The following SUGCT variants were observed in gnomAD, a reference collection of about 807,000 sequenced individuals.
The protein encoded by SUGCT is succinyl-CoA:glutarate-CoA transferase.
Under a neutral mutation model 55.0 loss-of-function variants are expected in SUGCT, and 41 were observed. The observed-to-expected ratio is 0.74, with a 90% CI of 0.58 to 0.97. The LOEUF is 0.97. Ranked by LOEUF, SUGCT falls within the 50% of genes least tolerant of loss-of-function variation. SUGCT has a pLI of 0.00. For missense variants in SUGCT, 568 were observed against 547.8 expected, an observed-to-expected ratio of 1.04 and a Z score of -0.37; for synonymous variants, 187 against 200.4, an observed-to-expected ratio of 0.93 and a Z score of 0.56.
chr7:40,710,369 T>C (rs1180452404), intron 12 of SUGCT, among the ~76,000 whole-genome samples: 2 of 152,190 alleles, frequency 1.3e-5, no homozygotes, highest in African/African-American at 2.4e-5. Context: ...AACAAATTAT[T>C]TGTGATCCAT....
At chr7:40,333,302 T>G (rs1189617890) in intron 9 of SUGCT, among the ~76,000 whole-genome samples, 1 of 152,062 alleles carries the variant, frequency 6.6e-6, no homozygotes, top group East Asian at 1.9e-4. Context: ...AAATATATTC[T>G]CTGTGAATGA....
chr7:41,009,559 ATCCT>A, the SUGCT span, among the ~76,000 whole-genome samples: 3 of 146,142 alleles, frequency 2.1e-5, no homozygotes, highest in African/African-American at 5.1e-5. Flanking sequence ...TCCACCATCC[ATCCT>A]TCCTTCCATC....
intron 12 of SUGCT, among the ~76,000 whole-genome samples, chr7:40,659,383 G>A (rs1448899641): frequency 6.6e-6 from 1 of 152,112 alleles, no homozygotes; most frequent in African/African-American, 2.4e-5. Context: ...TGGGCAGAAA[G>A]TCTCAGCTCC....
chr7:40,323,796 A>G (rs1423423647), intron 9 of SUGCT, among the ~76,000 whole-genome samples: 1 of 152,206 alleles, frequency 6.6e-6, no homozygotes, highest in East Asian at 1.9e-4. Flanking sequence ...CCTGCAGTCA[A>G]GTGGTGGATA....
chr7:40,652,902 T>C lies in SUGCT; in HGVS notation c.1090-96532T>C, dbSNP rs141317704. Reference sequence around the variant, plus strand: ...GGAATATTTGATCTTCAGAACCTCATGTCTGTTTTATTCTGGAGATCTGCC... The same window carrying C: ...GGAATATTTGATCTTCAGAACCTCACGTCTGTTTTATTCTGGAGATCTGCC... On this transcript the variant is annotated intron_variant, in intron 12 of 13. Coordinates refer to ENST00000335693, the MANE Select transcript of SUGCT (RefSeq NM_001193313.2). Among the ~76,000 whole-genome samples the C allele has an allele frequency of 3.2e-3, 494 of 152,312 alleles. 3 individuals are homozygous for C. Among genetic ancestry groups the C allele is most frequent in the African/African-American group, 0.011 (471 of 41,580 alleles).
chr7:40,785,226 T>G (rs1397816875), intron 13 of SUGCT: 1 of 152,250 alleles, frequency 6.6e-6, no homozygotes. Flanking sequence ...AGAAGATGGC[T>G]GTTCTCAGAT....
At chr7:40,216,055 G>T (rs1472710134) in intron 6 of SUGCT, among the ~76,000 whole-genome samples, 1 of 149,972 alleles carries the variant, frequency 6.7e-6, no homozygotes, top group Admixed American at 6.7e-5. Context: ...ATATAGAACA[G>T]AAATTATTGA....
chr7:40,976,657 C>A, the SUGCT span, among the ~76,000 whole-genome samples: 3 of 152,258 alleles, frequency 2.0e-5, no homozygotes, highest in South Asian at 2.1e-4. Flanking sequence ...ATGTTCTCTT[C>A]CAATGAGTGG....
intron 12 of SUGCT, among the ~76,000 whole-genome samples, chr7:40,588,022 C>T (rs887995735): frequency 6.6e-6 from 1 of 151,682 alleles, no homozygotes; most frequent in Non-Finnish European, 1.5e-5. Context: ...CCTGCCTCAG[C>T]CTTCTGAGTA....
At chr7:40,726,313 G>GA (rs201569813) in intron 12 of SUGCT, among the ~76,000 whole-genome samples, 3 of 151,666 alleles carry the variant, frequency 2.0e-5, no homozygotes, top group South Asian at 4.2e-4. Context: ...TAAGCTAGAG[G>GA]AAAAAAATGT....
At position 40,688,819 on chromosome 7, in the gene SUGCT, CTAAAT is replaced by C. The variant is rs201854670; in HGVS notation, c.1090-60605_1090-60601del. The stretch of plus-strand genomic sequence containing the variant: ...TTACACAAGCACATGATATAAATTA[CTAAAT>C]TAAATTAAAAGTAGCATATTTGTAG... On this transcript the variant is annotated intron_variant, in intron 12 of 13. Coordinates refer to ENST00000335693, the MANE Select transcript of SUGCT (RefSeq NM_001193313.2). Among the ~76,000 whole-genome samples, 1,301 of 151,926 alleles carry C rather than the reference CTAAAT, an allele frequency of 8.6e-3. 15 individuals are homozygous for C. The highest frequency in any genetic ancestry group is 0.029 in the African/African-American group (1,214 of 41,458).
chr7:40,360,910 G>T (rs1798119983), intron 9 of SUGCT, among the ~76,000 whole-genome samples: 1 of 152,140 alleles, frequency 6.6e-6, no homozygotes, highest in South Asian at 2.1e-4. Context: ...TTAAGGGGCT[G>T]TTACAGTACT....
intron 13 of SUGCT, among the ~76,000 whole-genome samples, chr7:40,845,890 G>A (rs979941540): frequency 8.5e-5 from 13 of 152,176 alleles, no homozygotes; most frequent in East Asian, 1.9e-4. Flanking sequence ...TGACTAAAAC[G>A]TTCAGAAAAA....
intron 13 of SUGCT, among the ~76,000 whole-genome samples, chr7:40,754,851 G>A (rs1433265597): frequency 6.6e-6 from 1 of 152,100 alleles, no homozygotes; most frequent in Non-Finnish European, 1.5e-5. Context: ...GTACATCATT[G>A]TACATAGGAT....
At chr7:41,009,377 G>A in the SUGCT span, among the ~76,000 whole-genome samples, 1 of 152,194 alleles carries the variant, frequency 6.6e-6, no homozygotes, top group African/African-American at 2.4e-5. Flanking sequence ...GAAGGAGACT[G>A]AACTGAGTTT....
intron 12 of SUGCT, among the ~76,000 whole-genome samples, chr7:40,610,636 T>TC (rs1258782145): frequency 6.6e-6 from 1 of 152,078 alleles, no homozygotes; most frequent in East Asian, 1.9e-4. Context: ...CCTCATCTGC[T>TC]CCCCCTTGGA....
At chr7:40,833,422 T>C (rs1792801454) in intron 13 of SUGCT, among the ~76,000 whole-genome samples, 1 of 152,194 alleles carries the variant, frequency 6.6e-6, no homozygotes, top group South Asian at 2.1e-4. Flanking sequence ...ATGACTCTTT[T>C]CTGTAGGAGA....
chr7:40,984,037 G>A, the SUGCT span, among the ~76,000 whole-genome samples: 4 of 152,088 alleles, frequency 2.6e-5, no homozygotes, highest in South Asian at 2.1e-4. Context: ...GTAGGGCCAC[G>A]TTACTTCCAG....
At chr7:40,590,572 G>A (rs1797659471) in intron 12 of SUGCT, among the ~76,000 whole-genome samples, 1 of 152,188 alleles carries the variant, frequency 6.6e-6, no homozygotes, top group African/African-American at 2.4e-5. Flanking sequence ...ATTGATGAAG[G>A]TAGCTACACT....
Sources: gnomAD v4.1 joint callset for allele counts (sites outside exome capture counted in the v4.1 genomes callset) on GRCh38, gnomAD v4.1.1 for gene constraint, MANE v1.5 for transcripts, NCBI Gene and HGNC (gene_info 2026-07-23, HGNC 2026-07-21) for gene names.